The following KIAA0825 variants were observed in gnomAD, a reference collection of about 807,000 sequenced individuals.
KIAA0825 encodes KIAA0825.
KIAA0825 carries 119 observed loss-of-function variants against 147.6 expected under a neutral mutation model. That is an observed-to-expected ratio of 0.81 (90% CI 0.69 to 0.94). The LOEUF (loss-of-function observed/expected upper bound fraction) is 0.94, where lower values mean the gene tolerates loss of function less well. KIAA0825 is among the 40% of genes least tolerant of loss of function. The pLI is 0.00. For missense variants in KIAA0825, 1,381 were observed against 1,472.7 expected (o/e 0.94, Z 1.02); for synonymous variants, 470 against 518.1 (o/e 0.91, Z 1.26).
At position 94,386,071 on chromosome 5, in the gene KIAA0825, A is replaced by G. The variant is rs530827250; in HGVS notation, c.3619+171T>C. 4.9e-4 allele frequency among the ~76,000 whole-genome samples: 74 copies of G among 152,346 alleles called. No homozygotes were observed. In the South Asian group the frequency reaches 0.013, roughly 28 times the overall value. On this transcript the variant is annotated intron_variant, in intron 19 of 20. Coordinates refer to ENST00000682413, the MANE Select transcript of KIAA0825 (RefSeq NM_001145678.3). ...ATGAATCAGTTTGACAAATAGAAAAAAGGTAAAATAACTCTTAAAAGTCAA... is the reference window on the plus strand; with the variant it reads ...ATGAATCAGTTTGACAAATAGAAAAGAGGTAAAATAACTCTTAAAAGTCAA...
chr5:94,157,975 A>C (rs949280448), intron 20 of KIAA0825, among the ~76,000 whole-genome samples: 60 of 152,180 alleles, frequency 3.9e-4, no homozygotes, highest in African/African-American at 1.4e-3. Context: ...CAGAGTCTGG[A>C]GTGTGAGGTG....
At chr5:94,161,633 AT>A (rs1222153126) in intron 20 of KIAA0825, among the ~76,000 whole-genome samples, 3 of 151,872 alleles carry the variant, frequency 2.0e-5, no homozygotes, top group Non-Finnish European at 4.4e-5. Context: ...GTTGCATTAA[AT>A]TTTTTTTCAC....
At position 94,225,071 on chromosome 5, in the gene KIAA0825, A is replaced by G. The variant is rs557614261; in HGVS notation, c.3711-70947T>C. Among the ~76,000 whole-genome samples, 9 of 152,320 alleles carry G rather than the reference A, an allele frequency of 5.9e-5. No homozygotes were observed. The East Asian group carries it at 1.4e-3, about 23-fold the overall frequency. On this transcript the variant is annotated intron_variant, in intron 20 of 20. Coordinates refer to ENST00000682413, the MANE Select transcript of KIAA0825 (RefSeq NM_001145678.3). ...AAATTTGTCTTAAGTAATAGCCTCAATATGAATCTGCTCTGCATAGCCAAA... is the reference window on the plus strand; with the variant it reads ...AAATTTGTCTTAAGTAATAGCCTCAGTATGAATCTGCTCTGCATAGCCAAA...
intron 20 of KIAA0825, among the ~76,000 whole-genome samples, chr5:94,235,549 G>A (rs763004339): frequency 1.3e-5 from 2 of 152,192 alleles, no homozygotes; most frequent in South Asian, 2.1e-4. Flanking sequence ...AAGCTGCAGC[G>A]AGTTATTCAA....
chr5:94,250,416 A>G (rs1461412206), intron 20 of KIAA0825, among the ~76,000 whole-genome samples: 2 of 152,160 alleles, frequency 1.3e-5, no homozygotes, highest in Non-Finnish European at 2.9e-5. Context: ...ATTACATGCT[A>G]TGAGAAAACT....
At chr5:94,421,925 G>C (rs982676624) in intron 14 of KIAA0825, among the ~76,000 whole-genome samples, 3 of 152,146 alleles carry the variant, frequency 2.0e-5, no homozygotes. Context: ...AACTTTGCCA[G>C]GTGGTGCTCA....
intron 15 of KIAA0825, among the ~76,000 whole-genome samples, chr5:94,406,477 C>T (rs1158520947): frequency 1.3e-5 from 2 of 152,118 alleles, no homozygotes; most frequent in Non-Finnish European, 2.9e-5. Flanking sequence ...AAGGCATTGG[C>T]CTCCTCAGGC....
intron 5 of KIAA0825, among the ~76,000 whole-genome samples, chr5:94,507,175 C>A (rs926935270): frequency 6.6e-6 from 1 of 152,132 alleles, no homozygotes; most frequent in Admixed American, 6.5e-5. Context: ...AATGGCTGAG[C>A]GCGGTGGCTC....
intron 20 of KIAA0825, among the ~76,000 whole-genome samples, chr5:94,183,861 T>C (rs543866912): frequency 6.6e-6 from 1 of 152,334 alleles, no homozygotes; most frequent in East Asian, 1.9e-4. Context: ...TAATATCCTT[T>C]ATAATAAACA....
chr5:94,524,035 C>A lies in KIAA0825; in HGVS notation c.195G>T (p.Leu65=). 6.2e-7 allele frequency: 1 copy of A among 1,609,476 alleles called. No homozygotes were observed. Among genetic ancestry groups the A allele is most frequent in the Non-Finnish European group, 8.5e-7 (1 of 1,176,938 alleles). Residue 65 remains leucine (L), a synonymous_variant, in exon 4 of 21, where the codon CTG becomes CTT. Coordinates refer to ENST00000682413, the MANE Select transcript of KIAA0825 (RefSeq NM_001145678.3). ...ATTCAAAGCAGTCAGTTGTTGTTTG[C>A]AGCTGCACACCTGGACATTGTTTGT... ...EINKQCPGVQ[L]QTTTDCFEWL...
At chr5:94,359,582 C>T (rs1286046206) in intron 20 of KIAA0825, among the ~76,000 whole-genome samples, 1 of 151,992 alleles carries the variant, frequency 6.6e-6, no homozygotes, top group Non-Finnish European at 1.5e-5. Context: ...CATAGTGAGA[C>T]CTCCATCTCT....
chr5:94,554,044 A>G lies in KIAA0825; in HGVS notation c.-1-16917T>C, dbSNP rs187501065. Among the ~76,000 whole-genome samples, 22 of 152,328 alleles carry G rather than the reference A, an allele frequency of 1.4e-4. No individual in the cohort carries two copies. In the East Asian group the frequency reaches 3.5e-3, roughly 24 times the overall value. On this transcript the variant is annotated intron_variant, in intron 2 of 20. Transcript: ENST00000682413. ...AACACAGAAAGCTGAAGTAGAATCT[A>G]CAGCTTAGCAAGAAATAATTTGTGA...
chr5:94,195,962 G>T (rs1771092903), intron 20 of KIAA0825, among the ~76,000 whole-genome samples: 1 of 152,134 alleles, frequency 6.6e-6, no homozygotes, highest in Non-Finnish European at 1.5e-5. Flanking sequence ...GTGCCCTGCA[G>T]CCCAACCACC....
chr5:94,157,654 A>G (rs2149908483), intron 20 of KIAA0825, among the ~76,000 whole-genome samples: 1 of 151,470 alleles, frequency 6.6e-6, no homozygotes, highest in Non-Finnish European at 1.5e-5. Context: ...GAGCTTTTCC[A>G]TGTGCCATAC....
Position 94,473,310 on chromosome 5 carries a change from T to A in KIAA0825, c.1437A>T (p.Gln479His). Residue 479 changes from glutamine to histidine, a missense_variant, in exon 8 of 21, where the codon CAA becomes CAT. By Grantham distance (24) the Gln-to-His change is conservative. Coordinates refer to ENST00000682413, the MANE Select transcript of KIAA0825 (RefSeq NM_001145678.3). ...TACTTGCTTTTCCAATTTTCTTTGG[T>A]TGTTCCTCCTCAGGAAACATATGGC... Reference protein sequence around the residue: ...QDSHMFPEEEQPKKIGKFCSD... With the variant: ...QDSHMFPEEEHPKKIGKFCSD... 1.9e-6 allele frequency: 3 copies of A among 1,551,716 alleles called. No individual in the cohort carries two copies. The highest frequency in any genetic ancestry group is 2.6e-6 in the Non-Finnish European group (3 of 1,146,956).
At chr5:94,494,160 G>A (rs1175967356) in intron 5 of KIAA0825, among the ~76,000 whole-genome samples, 1 of 152,098 alleles carries the variant, frequency 6.6e-6, no homozygotes, top group African/African-American at 2.4e-5. Context: ...TCCACTGGAT[G>A]TTACCTAAAC....
In KIAA0825 at chr5:94,462,494, CAAAAGT is replaced by C; in HGVS notation, c.2133_2138del (p.Leu712_Leu713del). On this transcript the variant is annotated inframe_deletion, in exon 12 of 21. Coordinates refer to ENST00000682413, the MANE Select transcript of KIAA0825 (RefSeq NM_001145678.3). The stretch of plus-strand genomic sequence containing the variant: ...TATCATCTGTATGCTGATGAGGATT[CAAAAGT>C]TTCTGTACAGATGTACAAACTGACC... The C allele has an allele frequency of 1.3e-6, 2 of 1,544,826 alleles. No individual in the cohort carries two copies. Among genetic ancestry groups the C allele is most frequent in the Non-Finnish European group, 1.8e-6 (2 of 1,142,808 alleles).
intron 12 of KIAA0825, among the ~76,000 whole-genome samples, chr5:94,459,708 A>T (rs1759569346): frequency 6.6e-6 from 1 of 152,022 alleles, no homozygotes; most frequent in South Asian, 2.1e-4. Context: ...GCTTGTTGGA[A>T]GTTGTATTGA....
At chr5:94,578,431 A>G (rs79741407) in intron 2 of KIAA0825, among the ~76,000 whole-genome samples, 51 of 152,334 alleles carry the variant, frequency 3.3e-4, no homozygotes, top group African/African-American at 1.2e-3. Flanking sequence ...ATCTACATTC[A>G]AAGACAGTGG....
Sources: gnomAD v4.1 joint callset for allele counts (sites outside exome capture counted in the v4.1 genomes callset) on GRCh38, gnomAD v4.1.1 for gene constraint, MANE v1.5 for transcripts, NCBI Gene and HGNC (gene_info 2026-07-23, HGNC 2026-07-21) for gene names.